Variants in CCSER1 observed in about 807,000 individuals in gnomAD.
CCSER1 encodes the protein coiled-coil serine rich protein 1, also known as serine-rich coiled-coil domain-containing protein 1.
In CCSER1, 41 loss-of-function variants were observed where a neutral mutation model predicts 82.0. That is an observed-to-expected ratio of 0.50 (90% CI 0.39 to 0.65). The LOEUF (loss-of-function observed/expected upper bound fraction) is 0.65, where lower values mean the gene tolerates loss of function less well. CCSER1 is among the 30% of genes least tolerant of loss of function. CCSER1 has a pLI of 0.00. For synonymous variants in CCSER1, 414 were observed against 383.9 expected, an observed-to-expected ratio of 1.08 and a Z score of -0.92; for missense variants, 1,119 against 1,064.2, an observed-to-expected ratio of 1.05 and a Z score of -0.72.
Position 91,604,290 on chromosome 4 carries a change from C to T in CCSER1, c.*5233C>T, listed in dbSNP as rs1294985450. On this transcript the variant is annotated 3_prime_UTR_variant, in exon 11 of 11. Transcript: ENST00000509176. ...TTAAACAAACATGTGCTGCTTCAAT[C>T]TCCTTTACTCCTAAACTTCCATTGA... The T allele has an allele frequency of 6.6e-6, 1 of 152,104 alleles. No individual in the cohort carries two copies. Among genetic ancestry groups the T allele is most frequent in the African/African-American group, 2.4e-5 (1 of 41,458 alleles). 9.4% of individuals were successfully genotyped at this position (152,104 alleles called of 1,614,324 possible).
chr4:91,323,517 A>G (rs1249861805), intron 10 of CCSER1, among the ~76,000 whole-genome samples: 1 of 152,196 alleles, frequency 6.6e-6, no homozygotes. Flanking sequence ...AATGTACATA[A>G]TGACATAAAT....
At chr4:90,916,211 A>G (rs948413924) in intron 8 of CCSER1, among the ~76,000 whole-genome samples, 2 of 152,194 alleles carry the variant, frequency 1.3e-5, no homozygotes, top group Non-Finnish European at 2.9e-5. Flanking sequence ...TGCCAAGTCA[A>G]TCCTAAACCA....
intron 5 of CCSER1, among the ~76,000 whole-genome samples, chr4:90,494,045 G>T (rs1488683969): frequency 6.6e-6 from 1 of 152,110 alleles, no homozygotes; most frequent in Non-Finnish European, 1.5e-5. Flanking sequence ...ACACACATAG[G>T]CTCAAAATAA....
chr4:91,181,107 T>C (rs1384626848), intron 10 of CCSER1, among the ~76,000 whole-genome samples: 1 of 152,258 alleles, frequency 6.6e-6, no homozygotes, highest in African/African-American at 2.4e-5. Context: ...AGGGCCATTA[T>C]GAACATGTTA....
At chr4:90,411,033 G>A (rs1754689165) in intron 4 of CCSER1, among the ~76,000 whole-genome samples, 1 of 152,168 alleles carries the variant, frequency 6.6e-6, no homozygotes, top group African/African-American at 2.4e-5. Context: ...AGAAGAAATG[G>A]ATAAATTCCT....
intron 3 of CCSER1, among the ~76,000 whole-genome samples, chr4:90,361,662 G>A (rs1442843140): frequency 1.3e-5 from 2 of 152,150 alleles, no homozygotes; most frequent in African/African-American, 2.4e-5. Context: ...TTTGCCTCTC[G>A]TCTAGCAGTC....
At chr4:90,228,448 A>G (rs1488117720) in intron 1 of CCSER1, among the ~76,000 whole-genome samples, 1 of 152,186 alleles carries the variant, frequency 6.6e-6, no homozygotes, top group Non-Finnish European at 1.5e-5. Context: ...CAGAAAGGAC[A>G]TCCACACCAA....
chr4:90,985,148 A>G (rs1736476588), intron 9 of CCSER1, among the ~76,000 whole-genome samples: 1 of 151,792 alleles, frequency 6.6e-6, no homozygotes, highest in Non-Finnish European at 1.5e-5. Flanking sequence ...TATTTTAAAT[A>G]TAATTTCATA....
intron 5 of CCSER1, among the ~76,000 whole-genome samples, chr4:90,586,424 A>G (rs926510906): frequency 1.6e-4 from 25 of 152,342 alleles, no homozygotes; most frequent in African/African-American, 5.8e-4. Flanking sequence ...AGTTGAAAAC[A>G]TGACCCTCAT....
At chr4:91,087,575 TGAA>T (rs1161919826) in intron 10 of CCSER1, among the ~76,000 whole-genome samples, 1 of 152,098 alleles carries the variant, frequency 6.6e-6, no homozygotes, top group Non-Finnish European at 1.5e-5. Context: ...GTGATTTCTC[TGAA>T]GGTCAAAATT....
At chr4:90,134,902 ACT>A (rs1423382386) in intron 1 of CCSER1, among the ~76,000 whole-genome samples, 1 of 151,956 alleles carries the variant, frequency 6.6e-6, no homozygotes, top group Non-Finnish European at 1.5e-5. Flanking sequence ...TTATTTTGAA[ACT>A]CTCTTCAAGA....
chr4:90,791,116 T>C (rs1180417512), intron 7 of CCSER1, among the ~76,000 whole-genome samples: 1 of 152,100 alleles, frequency 6.6e-6, no homozygotes, highest in East Asian at 1.9e-4. Flanking sequence ...AGAATGAGTG[T>C]TGAGCGAAGG....
intron 5 of CCSER1, among the ~76,000 whole-genome samples, chr4:90,488,089 T>G (rs1333387177): frequency 6.6e-6 from 1 of 152,234 alleles, no homozygotes; most frequent in African/African-American, 2.4e-5. Context: ...AGATAGCATG[T>G]TCCCTGTTCC....
intron 8 of CCSER1, among the ~76,000 whole-genome samples, chr4:90,886,986 G>T (rs947646454): frequency 2.0e-5 from 3 of 152,088 alleles, no homozygotes; most frequent in African/African-American, 7.2e-5. Context: ...CCTACCAAAT[G>T]AAAACATTTT....
intron 9 of CCSER1, among the ~76,000 whole-genome samples, chr4:91,046,310 CAATT>C (rs1226854043): frequency 2.0e-5 from 3 of 151,840 alleles, no homozygotes; most frequent in East Asian, 1.9e-4. Context: ...CTAAGTGTAA[CAATT>C]AATTTTTCTA....
chr4:90,940,493 A>G (rs556561158), intron 9 of CCSER1, among the ~76,000 whole-genome samples: 52 of 151,244 alleles, frequency 3.4e-4, no homozygotes, highest in Middle Eastern at 3.4e-3. Context: ...GTGTTTTATA[A>G]ATATTTATTT....
chr4:90,349,082 G>C (rs1037996551), intron 3 of CCSER1, among the ~76,000 whole-genome samples: 15 of 152,058 alleles, frequency 9.9e-5, no homozygotes, highest in Non-Finnish European at 7.4e-5. Context: ...AGGCCAAACT[G>C]TAAGGGATTC....
intron 7 of CCSER1, among the ~76,000 whole-genome samples, chr4:90,736,768 T>G (rs751455820): frequency 2.6e-5 from 4 of 152,064 alleles, no homozygotes; most frequent in African/African-American, 9.7e-5. Context: ...TGTTTTTTCC[T>G]TCTTTCCTCC....
chr4:90,575,294 T>G (rs1316918708), intron 5 of CCSER1, among the ~76,000 whole-genome samples: 1 of 152,178 alleles, frequency 6.6e-6, no homozygotes, highest in Non-Finnish European at 1.5e-5. Context: ...TTTGATTCTG[T>G]GTCATTCCAT....
Sources: gnomAD v4.1 joint callset for allele counts (sites outside exome capture counted in the v4.1 genomes callset) on GRCh38, gnomAD v4.1.1 for gene constraint, MANE v1.5 for transcripts, NCBI Gene and HGNC (gene_info 2026-07-23, HGNC 2026-07-21) for gene names.